SLC25A21: variants seen among roughly 807,000 people sequenced by gnomAD.
The protein encoded by SLC25A21 is solute carrier family 25 member 21.
SLC25A21 carries 47 observed loss-of-function variants against 43.8 expected under a neutral mutation model. That is an observed-to-expected ratio of 1.07 (90% CI 0.85 to 1.37). SLC25A21 has a LOEUF of 1.37. SLC25A21 is among the 40% of genes most tolerant of loss of function. The probability of loss-of-function intolerance (pLI) is 0.00; values close to 1 mark genes in which losing one functional copy is unlikely to be tolerated. For missense variants in SLC25A21, 352 were observed against 350.2 expected (o/e 1.00, Z -0.04); for synonymous variants, 131 against 121.3 (o/e 1.08, Z -0.52).
At chr14:36,724,199 C>T (rs1884491526) in intron 6 of SLC25A21, among the ~76,000 whole-genome samples, 1 of 152,164 alleles carries the variant, frequency 6.6e-6, no homozygotes, top group Non-Finnish European at 1.5e-5. Context: ...GTATTTAAGA[C>T]AATCTTTTGA....
chr14:36,919,850 G>A (rs1191050295), intron 1 of SLC25A21, among the ~76,000 whole-genome samples: 1 of 151,884 alleles, frequency 6.6e-6, no homozygotes, highest in African/African-American at 2.4e-5. Context: ...CTTACTTAAA[G>A]ACAAAAAGAC....
intron 1 of SLC25A21, among the ~76,000 whole-genome samples, chr14:36,877,024 T>C (rs1460103516): frequency 6.6e-6 from 1 of 152,026 alleles, no homozygotes; most frequent in Non-Finnish European, 1.5e-5. Flanking sequence ...ACCCTAATCC[T>C]ATTTAAAAAA....
intron 2 of SLC25A21, among the ~76,000 whole-genome samples, chr14:36,855,078 T>A (rs1889859131): frequency 6.6e-6 from 1 of 152,074 alleles, no homozygotes; most frequent in Admixed American, 6.5e-5. Flanking sequence ...CACAATCTGA[T>A]AATTCTGAAC....
At chr14:36,683,440 G>A (rs1882382444) in intron 9 of SLC25A21, among the ~76,000 whole-genome samples, 1 of 152,194 alleles carries the variant, frequency 6.6e-6, no homozygotes, top group Admixed American at 6.5e-5. Flanking sequence ...GTTGAGGCAG[G>A]AGCAAGAATG....
intron 1 of SLC25A21, among the ~76,000 whole-genome samples, chr14:37,040,866 T>C (rs1398128814): frequency 6.6e-6 from 1 of 151,724 alleles, no homozygotes; most frequent in Non-Finnish European, 1.5e-5. Context: ...GTTTGAGGCT[T>C]GAGCAACTAG....
chr14:36,981,861 AAAAT>A (rs1453223244), intron 1 of SLC25A21, among the ~76,000 whole-genome samples: 2 of 152,166 alleles, frequency 1.3e-5, no homozygotes, highest in Admixed American at 6.5e-5. Flanking sequence ...TTAAATTAAA[AAAAT>A]AAATAAAAAA....
At chr14:36,964,429 A>C (rs1381845212) in intron 1 of SLC25A21, among the ~76,000 whole-genome samples, 1 of 152,206 alleles carries the variant, frequency 6.6e-6, no homozygotes, top group Non-Finnish European at 1.5e-5. Context: ...TTCAAGTGTT[A>C]ATCTCCAGGG....
intron 1 of SLC25A21, among the ~76,000 whole-genome samples, chr14:37,007,196 T>C (rs1025296465): frequency 1.3e-5 from 2 of 152,186 alleles, no homozygotes; most frequent in African/African-American, 4.8e-5. Context: ...ATTCCAAGAA[T>C]TGCTCTTAAC....
At chr14:36,916,480 G>A (rs1891835808) in intron 1 of SLC25A21, among the ~76,000 whole-genome samples, 1 of 152,120 alleles carries the variant, frequency 6.6e-6, no homozygotes, top group East Asian at 1.9e-4. Flanking sequence ...ACATAGTTTT[G>A]ACTGAGGCTT....
intron 1 of SLC25A21, among the ~76,000 whole-genome samples, chr14:37,012,188 A>G (rs2138740640): frequency 6.6e-6 from 1 of 152,312 alleles, no homozygotes. Context: ...ATAAATCCAA[A>G]GGCTACTGTA....
At chr14:36,867,510 G>A (rs111730601) in intron 2 of SLC25A21, among the ~76,000 whole-genome samples, 24 of 152,222 alleles carry the variant, frequency 1.6e-4, no homozygotes, top group African/African-American at 3.9e-4. Context: ...CCAAAACGAC[G>A]TGTGGCACGA....
intron 7 of SLC25A21, among the ~76,000 whole-genome samples, chr14:36,698,170 T>C (rs1433685607): frequency 6.6e-6 from 1 of 152,222 alleles, no homozygotes; most frequent in Non-Finnish European, 1.5e-5. Flanking sequence ...CCTTCAGTTA[T>C]GAAGCTTAGT....
At chr14:36,830,737 C>T (rs1889008700) in intron 2 of SLC25A21, among the ~76,000 whole-genome samples, 1 of 152,176 alleles carries the variant, frequency 6.6e-6, no homozygotes, top group Admixed American at 6.5e-5. Context: ...CTTCACCACA[C>T]ATAGAAACCC....
chr14:37,109,738 G>A (rs1962984270), intron 1 of SLC25A21, among the ~76,000 whole-genome samples: 1 of 151,918 alleles, frequency 6.6e-6, no homozygotes, highest in Non-Finnish European at 1.5e-5. Context: ...AAGGCGTCTC[G>A]GAATAAGAAA....
rs79568519 is a variant in SLC25A21, at chr14:36,820,097, C to T, written c.120-6096G>A. Among the ~76,000 whole-genome samples the T allele has an allele frequency of 1.1e-3, 172 of 152,174 alleles. 1 individual carries two copies. The highest frequency in any genetic ancestry group is 3.9e-3 in the African/African-American group (163 of 41,508). ...CTGGCAGTGGGAAGCCATTCCAAGC[C>T]ACCCCTTTGGCACTGCCACCAATCC... On this transcript the variant is annotated intron_variant, in intron 2 of 9. Transcript: ENST00000331299.
intron 1 of SLC25A21, among the ~76,000 whole-genome samples, chr14:36,940,429 T>C (rs1030691009): frequency 1.3e-5 from 2 of 152,050 alleles, no homozygotes; most frequent in Admixed American, 1.3e-4. Context: ...TAGGAGTTTA[T>C]GGTGGGATTG....
At chr14:36,685,532 A>G (rs575194189) in intron 7 of SLC25A21, among the ~76,000 whole-genome samples, 1 of 152,346 alleles carries the variant, frequency 6.6e-6, no homozygotes, top group South Asian at 2.1e-4. Context: ...TGTGCATTAT[A>G]AACAGTAGTA....
intron 3 of SLC25A21, among the ~76,000 whole-genome samples, chr14:36,780,346 CATTGTT>C (rs1255451731): frequency 2.0e-5 from 3 of 151,852 alleles, no homozygotes; most frequent in Non-Finnish European, 4.4e-5. Flanking sequence ...CTGCTTTGAT[CATTGTT>C]ATTTCATAGC....
intron 1 of SLC25A21, among the ~76,000 whole-genome samples, chr14:37,063,367 G>T (rs2138815048): frequency 6.6e-6 from 1 of 152,210 alleles, no homozygotes; most frequent in Middle Eastern, 3.4e-3. Flanking sequence ...AGGCCTGGTG[G>T]CTTGAGACTG....
Sources: gnomAD v4.1 joint callset for allele counts (sites outside exome capture counted in the v4.1 genomes callset) on GRCh38, gnomAD v4.1.1 for gene constraint, MANE v1.5 for transcripts, NCBI Gene and HGNC (gene_info 2026-07-23, HGNC 2026-07-21) for gene names.